Variants in DIAPH2 observed in about 807,000 individuals in gnomAD.
DIAPH2 encodes the protein diaphanous related formin 2, also known as protein diaphanous homolog 2.
In DIAPH2, 35 loss-of-function variants were observed where a neutral mutation model predicts 92.7. That is an observed-to-expected ratio of 0.38 (90% CI 0.29 to 0.50). The LOEUF (loss-of-function observed/expected upper bound fraction) is 0.50. Among genes scored for constraint, DIAPH2 ranks in the 20% least tolerant of loss-of-function variants. The probability of loss-of-function intolerance (pLI) is 0.94; values close to 1 mark genes in which losing one functional copy is unlikely to be tolerated. For synonymous variants in DIAPH2, 301 were observed against 280.4 expected (o/e 1.07, Z -0.73); for missense variants, 701 against 819.5 (o/e 0.86, Z 1.77).
intron 23 of DIAPH2, among the ~76,000 whole-genome samples, chrX:97,281,572 G>A (rs1207981345): frequency 5.4e-5 from 6 of 110,117 alleles, no homozygotes; most frequent in African/African-American, 1.3e-4. Context: ...GTGAAATCCC[G>A]TCTCTACTAA....
intron 26 of DIAPH2, among the ~76,000 whole-genome samples, chrX:97,546,149 A>G (rs894978489): frequency 1.8e-5 from 2 of 111,350 alleles, no homozygotes; most frequent in African/African-American, 3.3e-5. Flanking sequence ...TCTAAAAGCA[A>G]GGAATCCTGC....
rs554233546 is a variant in DIAPH2 at position 97,411,603 on chromosome X, C to T, written c.3146-18047C>T. Reference sequence around the variant, plus strand: ...AAATGCCCCAATTAAAAGACACAGACTGGCAAGTTGAATAAAGAGTCAAGA... The same window carrying T: ...AAATGCCCCAATTAAAAGACACAGATTGGCAAGTTGAATAAAGAGTCAAGA... On this transcript the variant is annotated intron_variant, in intron 25 of 26. Coordinates refer to ENST00000324765, the MANE Select transcript of DIAPH2 (RefSeq NM_006729.5). 3.6e-5 allele frequency among the ~76,000 whole-genome samples: 4 copies of T among 112,037 alleles called. No homozygotes were observed. In the South Asian group the frequency reaches 1.5e-3, roughly 42 times the overall value.
chrX:97,156,032 C>T lies in DIAPH2; in HGVS notation c.2719+14238C>T, dbSNP rs192915993. Among the ~76,000 whole-genome samples the T allele has an allele frequency of 2.7e-5, 3 of 112,184 alleles. No homozygotes were observed. In the East Asian group the frequency reaches 8.4e-4, roughly 31 times the overall value. ...ATCTTTCAAGGCCTGATACCATTGA[C>T]ATGTGGCGGTGAGCAGCATATCTCT... On this transcript the variant is annotated intron_variant, in intron 22 of 26. Transcript: ENST00000324765.
intron 22 of DIAPH2, among the ~76,000 whole-genome samples, chrX:97,170,989 G>C (rs1280921199): frequency 2.7e-5 from 3 of 110,278 alleles, no homozygotes; most frequent in Non-Finnish European, 5.7e-5. Context: ...CAATTCTCCT[G>C]CCTCAGCCCC....
At chrX:97,016,997 G>T (rs748212815) in intron 17 of DIAPH2, among the ~76,000 whole-genome samples, 1 of 111,711 alleles carries the variant, frequency 9.0e-6, no homozygotes, top group East Asian at 2.8e-4. Flanking sequence ...TGTGAGGTGT[G>T]TCACGGGCCT....
intron 24 of DIAPH2, among the ~76,000 whole-genome samples, chrX:97,372,823 A>G (rs757086813): frequency 1.8e-5 from 2 of 110,546 alleles, no homozygotes; most frequent in East Asian, 5.7e-4. Context: ...AAAATACAAA[A>G]AAAATTAGCT....
intron 4 of DIAPH2, among the ~76,000 whole-genome samples, chrX:96,856,520 G>T (rs1189757939): frequency 3.7e-5 from 4 of 107,053 alleles, no homozygotes; most frequent in African/African-American, 1.4e-4. Flanking sequence ...AGCAGCACAG[G>T]TCTAGATTAG....
intron 21 of DIAPH2, among the ~76,000 whole-genome samples, chrX:97,116,621 G>C (rs2067018715): frequency 9.0e-6 from 1 of 111,634 alleles, no homozygotes; most frequent in Non-Finnish European, 1.9e-5. Context: ...ATCTAAAAGT[G>C]TTCTTGCTTG....
chrX:97,276,242 G>A (rs889908207), intron 23 of DIAPH2, among the ~76,000 whole-genome samples: 2 of 111,930 alleles, frequency 1.8e-5, no homozygotes, highest in Non-Finnish European at 3.8e-5. Flanking sequence ...GTCCAGCTTC[G>A]GCTCGGCATC....
intron 1 of DIAPH2, among the ~76,000 whole-genome samples, chrX:96,728,478 T>G (rs1278852696): frequency 8.9e-6 from 1 of 112,070 alleles, no homozygotes; most frequent in Admixed American, 9.4e-5. Flanking sequence ...CCCAAAGTGC[T>G]GGTAGTACAG....
chrX:96,975,955 C>T (rs184517414), intron 17 of DIAPH2, among the ~76,000 whole-genome samples: 94 of 110,631 alleles, frequency 8.5e-4, no homozygotes, highest in African/African-American at 2.9e-3. Flanking sequence ...CAGTCCATTG[C>T]AATACCTGTA....
chrX:97,104,355 T>C (rs995751303), intron 20 of DIAPH2, among the ~76,000 whole-genome samples: 2 of 106,236 alleles, frequency 1.9e-5, no homozygotes, highest in African/African-American at 7.4e-5. Flanking sequence ...TCTTAAATAA[T>C]AAATAGTATT....
At chrX:97,274,058 G>T (rs1050083607) in intron 23 of DIAPH2, among the ~76,000 whole-genome samples, 6 of 106,031 alleles carry the variant, frequency 5.7e-5, no homozygotes, top group African/African-American at 1.8e-4. Context: ...TGTGTGTATA[G>T]AGAGAGAGAC....
chrX:97,110,180 C>T (rs2066969449), intron 20 of DIAPH2, among the ~76,000 whole-genome samples: 1 of 111,588 alleles, frequency 9.0e-6, no homozygotes, highest in African/African-American at 3.3e-5. Flanking sequence ...TTGATATACT[C>T]AAGACTCTGT....
At chrX:97,052,262 A>C (rs896917620) in intron 17 of DIAPH2, among the ~76,000 whole-genome samples, 1 of 111,067 alleles carries the variant, frequency 9.0e-6, no homozygotes, top group African/African-American at 3.3e-5. Flanking sequence ...GACATTTAAT[A>C]CTATGTTTGA....
intron 19 of DIAPH2, among the ~76,000 whole-genome samples, chrX:97,082,271 T>C (rs2066751598): frequency 1.8e-5 from 2 of 109,598 alleles, no homozygotes; most frequent in African/African-American, 6.6e-5. Context: ...ACTATATCCA[T>C]TGGGTCTATT....
rs1332024432 is a variant in DIAPH2 at position 96,751,647 on chromosome X, G to GTTTTT, written c.343-6503_343-6502insTTTTT. ...TATAAATGGTCAACTAGACTTCAGT[G>GTTTTT]TTTTGTTTTTTTTTTTTTTTTTTTG... is the stretch of plus-strand genomic sequence containing the variant. On this transcript the variant is annotated intron_variant, in intron 3 of 26. Transcript: ENST00000324765. Among the ~76,000 whole-genome samples, 52 of 85,001 alleles carry GTTTTT rather than the reference G, an allele frequency of 6.1e-4. 3 individuals are homozygous for GTTTTT. The highest frequency in any genetic ancestry group is 1.9e-3 in the African/African-American group (44 of 22,627). 73.8% of individuals were successfully genotyped at this position (85,001 alleles called of 115,157 possible).
chrX:97,030,511 G>A lies in DIAPH2; in HGVS notation c.2051-42430G>A, dbSNP rs149201387. On this transcript the variant is annotated intron_variant, in intron 17 of 26. Transcript: ENST00000324765. ...TTTGATGGTTTTGTTATACTTACTAGTAATCTAATATGACAGTATTATGCG... is the reference window on the plus strand; with the variant it reads ...TTTGATGGTTTTGTTATACTTACTAATAATCTAATATGACAGTATTATGCG... 8.3e-4 allele frequency among the ~76,000 whole-genome samples: 92 copies of A among 111,293 alleles called. No individual in the cohort carries two copies. In the East Asian group the frequency reaches 0.021, roughly 26 times the overall value.
chrX:97,133,836 C>G (rs1310010692), intron 21 of DIAPH2, among the ~76,000 whole-genome samples: 1 of 112,142 alleles, frequency 8.9e-6, no homozygotes, highest in Non-Finnish European at 1.9e-5. Flanking sequence ...CCACCATAGT[C>G]TGATTTCATA....
Sources: gnomAD v4.1 joint callset for allele counts (sites outside exome capture counted in the v4.1 genomes callset) on GRCh38, gnomAD v4.1.1 for gene constraint, MANE v1.5 for transcripts, NCBI Gene and HGNC (gene_info 2026-07-23, HGNC 2026-07-21) for gene names.